GPR89A: variants seen among roughly 807,000 people sequenced by gnomAD.
GPR89A encodes G protein-coupled receptor 89A.
In GPR89A, 16 loss-of-function variants were observed where a neutral mutation model predicts 52.0. The ratio of observed to expected loss-of-function variants is 0.31; its 90% CI spans 0.21 to 0.47. The LOEUF (loss-of-function observed/expected upper bound fraction) is 0.47. GPR89A is among the 20% of genes least tolerant of loss of function. GPR89A has a pLI of 1.00. For synonymous variants in GPR89A, 55 were observed against 150.9 expected (o/e 0.36, Z 4.66); for missense variants, 135 against 449.4 (o/e 0.30, Z 6.33).
intron 10 of GPR89A, among the ~76,000 whole-genome samples, chr1:145,650,917 C>A (rs1386099844): frequency 5.9e-5 from 9 of 151,876 alleles, no homozygotes; most frequent in Non-Finnish European, 1.2e-4. Context: ...GGATAGATTG[C>A]AAAAATTTTC....
In GPR89A at chr1:145,620,900, A is replaced by G. The variant is rs587608023; in HGVS notation, c.207-2154A>G. Among the ~76,000 whole-genome samples, 39 of 152,358 alleles carry G rather than the reference A, an allele frequency of 2.6e-4. 1 individual carries two copies. In the South Asian group the frequency reaches 8.1e-3, roughly 32 times the overall value. On this transcript the variant is annotated intron_variant, in intron 3 of 13. Transcript: ENST00000313835. The stretch of plus-strand genomic sequence containing the variant: ...TTTTAATAGGCAGTCCATACTGCCA[A>G]TTAAAGTTGCACTTGTTATTTCAAA...
At chr1:145,667,392 A>G (rs1286413429) in intron 12 of GPR89A, among the ~76,000 whole-genome samples, 1 of 152,144 alleles carries the variant, frequency 6.6e-6, no homozygotes, top group African/African-American at 2.4e-5. Flanking sequence ...GTGTCTGTTC[A>G]TATCCTTTGC....
Position 145,653,285 on chromosome 1 carries a change from T to C in GPR89A, c.909+6018T>C, listed in dbSNP as rs587657482. On this transcript the variant is annotated intron_variant, in intron 10 of 13. Coordinates refer to ENST00000313835, the MANE Select transcript of GPR89A (RefSeq NM_001097612.2). ...TCAATTTTCATGTAGTTGTGTAGTTTTGAGTTAGTTTCTTAGTCTTGAGTT... is the reference window on the plus strand; with the variant it reads ...TCAATTTTCATGTAGTTGTGTAGTTCTGAGTTAGTTTCTTAGTCTTGAGTT... 6.1e-5 allele frequency among the ~76,000 whole-genome samples: 9 copies of C among 147,476 alleles called. No individual in the cohort carries two copies. The East Asian group carries it at 1.6e-3, about 26-fold the overall frequency.
intron 7 of GPR89A, among the ~76,000 whole-genome samples, chr1:145,640,211 C>A (rs1398750772): frequency 5.6e-5 from 1 of 17,740 alleles, no homozygotes; most frequent in Non-Finnish European, 1.1e-4. Flanking sequence ...AGCGAGACTC[C>A]GTCTCAAAAA....
intron 10 of GPR89A, among the ~76,000 whole-genome samples, chr1:145,659,037 A>T (rs1652005144): frequency 6.6e-6 from 1 of 152,076 alleles, no homozygotes; most frequent in Non-Finnish European, 1.5e-5. Context: ...TCGGCCTCCC[A>T]AAGTGCTGGG....
intron 1 of GPR89A, among the ~76,000 whole-genome samples, chr1:145,611,233 C>G (rs1158443162): frequency 7.1e-6 from 1 of 140,898 alleles, no homozygotes; most frequent in African/African-American, 2.7e-5. Flanking sequence ...AGATTTGGTA[C>G]TTGTGCCGGG....
At chr1:145,649,041 T>G (rs1357594163) in intron 10 of GPR89A, among the ~76,000 whole-genome samples, 2 of 146,302 alleles carry the variant, frequency 1.4e-5, no homozygotes, top group African/African-American at 5.1e-5. Flanking sequence ...CCTGACCTCG[T>G]GATCCGCCTG....
intron 10 of GPR89A, among the ~76,000 whole-genome samples, chr1:145,649,434 C>T (rs1404048908): frequency 2.0e-5 from 3 of 151,306 alleles, no homozygotes; most frequent in Admixed American, 1.3e-4. Context: ...TTTTACTCGG[C>T]ATGATTATTT....
intron 12 of GPR89A, among the ~76,000 whole-genome samples, chr1:145,668,656 C>T (rs1449379361): frequency 1.3e-5 from 2 of 152,204 alleles, no homozygotes; most frequent in South Asian, 4.1e-4. Context: ...TGCCAGTTTT[C>T]AAAGGGAATG....
At chr1:145,647,832 C>A (rs1553692886) in intron 10 of GPR89A, among the ~76,000 whole-genome samples, 1 of 1,760 alleles carries the variant, frequency 5.7e-4, no homozygotes, top group African/African-American at 1.3e-3. Context: ...CGTCGACTCT[C>A]TCTCTCTCTC....
chr1:145,662,762 GTTGT>G (rs1453939809), intron 10 of GPR89A, among the ~76,000 whole-genome samples: 1 of 152,122 alleles, frequency 6.6e-6, no homozygotes, highest in African/African-American at 2.4e-5. Context: ...TATTGATGTG[GTTGT>G]TTCTTTTTTT....
At position 145,646,237 on chromosome 1, in the gene GPR89A, C is replaced by A. The variant is rs1553692529; in HGVS notation, c.781C>A (p.Leu261Ile). 6.2e-7 allele frequency: 1 copy of A among 1,612,322 alleles called. No homozygotes were observed. Among genetic ancestry groups the A allele is most frequent in the Admixed American group, 1.7e-5 (1 of 59,838 alleles). ...TGCTTTGGAAGAATTAAGCAGGCAG[C>A]TTTTTCTGGAAACAGCTGATCTATA... The part of the protein sequence containing the change: ...VDALEELSRQ[L>I]FLETADLYAT... Residue 261 changes from leucine (L) to isoleucine (I), a missense_variant, in exon 9 of 14, where the codon CTT becomes ATT. This residue lies in a region of GPR89A where 23 missense variants were observed against 42.2 expected (regional missense o/e 0.54). Transcript: ENST00000313835.
At chr1:145,668,362 G>T (rs1403527629) in intron 12 of GPR89A, among the ~76,000 whole-genome samples, 4 of 151,980 alleles carry the variant, frequency 2.6e-5, no homozygotes, top group Admixed American at 6.6e-5. Context: ...TCATGATTTG[G>T]CTCTCTGTTT....
intron 7 of GPR89A, among the ~76,000 whole-genome samples, chr1:145,635,535 T>C (rs1222322894): frequency 6.6e-6 from 1 of 152,268 alleles, no homozygotes; most frequent in Non-Finnish European, 1.5e-5. Flanking sequence ...ATTTATTGTT[T>C]ATTTTACATG....
chr1:145,610,654 T>A (rs1339194264), intron 1 of GPR89A, among the ~76,000 whole-genome samples: 3 of 152,218 alleles, frequency 2.0e-5, no homozygotes, highest in African/African-American at 7.2e-5. Context: ...TGGTAATTAC[T>A]TGTTTATCTC....
chr1:145,643,656 T>G (rs1469231968), intron 7 of GPR89A, among the ~76,000 whole-genome samples: 1 of 151,314 alleles, frequency 6.6e-6, no homozygotes. Context: ...ATTTATTGCC[T>G]AGCCCAAATT....
chr1:145,632,803 A>G, intron 7 of GPR89A, among the ~76,000 whole-genome samples: 1 of 152,180 alleles, frequency 6.6e-6, no homozygotes. Flanking sequence ...TTCCATTTTC[A>G]GTTTTTTTAG....
chr1:145,616,902 C>T (rs1245385430), intron 2 of GPR89A, among the ~76,000 whole-genome samples: 13 of 152,106 alleles, frequency 8.5e-5, no homozygotes, highest in African/African-American at 3.1e-4. Flanking sequence ...GAGTGGGTCA[C>T]AGAGATCACA....
At chr1:145,662,920 G>T (rs1652301234) in intron 10 of GPR89A, among the ~76,000 whole-genome samples, 1 of 150,212 alleles carries the variant, frequency 6.7e-6, no homozygotes, top group African/African-American at 2.5e-5. Flanking sequence ...ATCGTTTGTT[G>T]ACTTATTAGC....
Sources: allele counts gnomAD v4.1 joint callset (sites outside exome capture counted in the v4.1 genomes callset), GRCh38; gene constraint gnomAD v4.1.1; regional missense constraint gnomAD v4.1.1; transcripts MANE v1.5; gene names NCBI Gene and HGNC (gene_info 2026-07-23, HGNC 2026-07-21).